Variants in EPHB1 observed in about 807,000 individuals in gnomAD.
EPHB1 encodes the protein ephrin type-B receptor 1.
EPHB1 carries 30 observed loss-of-function variants against 94.4 expected under a neutral mutation model. That is an observed-to-expected ratio of 0.32 (90% confidence interval 0.24 to 0.43). EPHB1 has a LOEUF of 0.43. Among genes scored for constraint, EPHB1 ranks in the 20% least tolerant of loss-of-function variants. EPHB1 has a pLI of 1.00. For missense variants in EPHB1, 1,055 were observed against 1,308.3 expected (o/e 0.81, Z 2.99); for synonymous variants, 522 against 489.1 (o/e 1.07, Z -0.89).
chr3:135,121,963 A>G (rs1272831439), intron 4 of EPHB1, among the ~76,000 whole-genome samples: 1 of 152,188 alleles, frequency 6.6e-6, no homozygotes, highest in African/African-American at 2.4e-5. Context: ...ATGTTATGCC[A>G]TTTGATTCTC....
chr3:134,808,565 C>G (rs975660667), intron 1 of EPHB1, among the ~76,000 whole-genome samples: 1 of 151,934 alleles, frequency 6.6e-6, no homozygotes, highest in African/African-American at 2.4e-5. Context: ...ATTATGCAAC[C>G]GAGTAAGAGA....
intron 5 of EPHB1, among the ~76,000 whole-genome samples, chr3:135,136,719 C>T (rs148501643): frequency 7.7e-4 from 118 of 152,278 alleles, no homozygotes; most frequent in African/African-American, 2.8e-3. Flanking sequence ...CTGTGTAAGT[C>T]GTAAGCTCTC....
At chr3:134,972,531 A>AAATATATATTATTATATAT (rs1934017572) in intron 3 of EPHB1, among the ~76,000 whole-genome samples, 1 of 144,002 alleles carries the variant, frequency 6.9e-6, no homozygotes, top group Non-Finnish European at 1.5e-5. Flanking sequence ...TATTTATTAT[A>AAATATATATTATTATATAT]AATATATATT....
intron 3 of EPHB1, among the ~76,000 whole-genome samples, chr3:134,954,492 A>G (rs1933165975): frequency 6.6e-6 from 1 of 152,204 alleles, no homozygotes; most frequent in African/African-American, 2.4e-5. Context: ...TGAGGGCAGA[A>G]GCAGGGAGAA....
At chr3:135,076,234 G>GATATATATATGTAT (rs1553729692) in intron 3 of EPHB1, among the ~76,000 whole-genome samples, 1 of 131,172 alleles carries the variant, frequency 7.6e-6, no homozygotes, top group Middle Eastern at 3.4e-3. Flanking sequence ...TCTGAAAAGG[G>GATATATATATGTAT]ATATATATAT....
At chr3:135,044,184 G>A (rs1936930487) in intron 3 of EPHB1, among the ~76,000 whole-genome samples, 1 of 152,196 alleles carries the variant, frequency 6.6e-6, no homozygotes, top group Non-Finnish European at 1.5e-5. Flanking sequence ...TTCTGTATAT[G>A]TCACAAGCAT....
intron 1 of EPHB1, among the ~76,000 whole-genome samples, chr3:134,924,941 A>T (rs2038760551): frequency 6.6e-6 from 1 of 152,264 alleles, no homozygotes; most frequent in Non-Finnish European, 1.5e-5. Context: ...AAAGGATTAC[A>T]AAGGGACTAA....
At chr3:135,249,246 C>T in intron 14 of EPHB1, 90 bp from the exon 15 acceptor site, 4 of 1,395,678 alleles carry the variant, frequency 2.9e-6, no homozygotes, top group Non-Finnish European at 3.9e-6. Context: ...AGGGATGCTG[C>T]CTTCCATGAA....
chr3:135,098,214 A>C (rs926707529), intron 3 of EPHB1, among the ~76,000 whole-genome samples: 1 of 152,186 alleles, frequency 6.6e-6, no homozygotes. Flanking sequence ...AATGTACTGG[A>C]TGAGAATTTC....
chr3:134,869,474 T>A (rs1182461598), intron 1 of EPHB1, among the ~76,000 whole-genome samples: 1 of 152,182 alleles, frequency 6.6e-6, no homozygotes, highest in Admixed American at 6.5e-5. Context: ...GAAGAGCCCT[T>A]GGATGGACCG....
At chr3:135,094,231 C>G (rs1938665641) in intron 3 of EPHB1, among the ~76,000 whole-genome samples, 1 of 152,200 alleles carries the variant, frequency 6.6e-6, no homozygotes, top group African/African-American at 2.4e-5. Context: ...TGAACCTGCT[C>G]TGTCCCACTC....
intron 1 of EPHB1, among the ~76,000 whole-genome samples, chr3:134,896,563 T>TG (rs777116732): frequency 1.9e-4 from 29 of 152,338 alleles, no homozygotes; most frequent in Middle Eastern, 3.4e-3. Flanking sequence ...CTTTGTGGAG[T>TG]GACCTGATGA....
intron 12 of EPHB1, among the ~76,000 whole-genome samples, chr3:135,212,547 G>A (rs531018540): frequency 8.5e-5 from 13 of 152,246 alleles, no homozygotes; most frequent in Non-Finnish European, 1.5e-4. Flanking sequence ...TTATACATGC[G>A]TGTTTCGGGG....
At chr3:135,175,101 C>G (rs1015345598) in intron 9 of EPHB1, among the ~76,000 whole-genome samples, 3 of 152,140 alleles carry the variant, frequency 2.0e-5, no homozygotes, top group African/African-American at 7.2e-5. Context: ...CTTTCAATCC[C>G]CAAATATCAC....
intron 1 of EPHB1, among the ~76,000 whole-genome samples, chr3:134,833,228 C>T (rs969874955): frequency 5.3e-5 from 8 of 152,212 alleles, no homozygotes; most frequent in Non-Finnish European, 1.2e-4. Context: ...TCCACCTAGA[C>T]TCCTTAGCTT....
At position 135,032,033 on chromosome 3, in the gene EPHB1, C is replaced by G. The variant is rs115059662; in HGVS notation, c.806-74415C>G. Among the ~76,000 whole-genome samples, 282 of 152,120 alleles carry G rather than the reference C, an allele frequency of 1.9e-3. 2 individuals carry two copies. Among genetic ancestry groups the G allele is most frequent in the African/African-American group, 5.8e-3 (241 of 41,520 alleles). On this transcript the variant is annotated intron_variant, in intron 3 of 15. Transcript: ENST00000398015. ...TCGTTGGAAGCATTCAAGTTCTTCT[C>G]TTTTATCCCTGAAATTCTGAAATTT... is the stretch of plus-strand genomic sequence containing the variant.
intron 3 of EPHB1, among the ~76,000 whole-genome samples, chr3:134,986,170 C>T (rs9855772): frequency 0.63 from 95,258 of 152,070 alleles, 31,553 homozygotes; most frequent in African/African-American, 0.82. Flanking sequence ...CCACAAGCAC[C>T]GGGAGTGACT....
chr3:134,811,242 G>GGTTTTTTTTTTTTTTTTT (rs2036168294), intron 1 of EPHB1, among the ~76,000 whole-genome samples: 12 of 73,854 alleles, frequency 1.6e-4, no homozygotes, highest in African/African-American at 5.0e-4. Flanking sequence ...TACTAAGAAG[G>GGTTTTTTTTTTTTTTTTT]TTTTTTTTTT....
chr3:135,142,744 C>A (rs1452951474), intron 5 of EPHB1, among the ~76,000 whole-genome samples: 1 of 151,912 alleles, frequency 6.6e-6, no homozygotes, highest in Non-Finnish European at 1.5e-5. Context: ...GCCAGGGAAC[C>A]GAGATTATAT....
Sources: allele counts gnomAD v4.1 joint callset (sites outside exome capture counted in the v4.1 genomes callset), GRCh38; gene constraint gnomAD v4.1.1; transcripts MANE v1.5; gene names NCBI Gene and HGNC (gene_info 2026-07-23, HGNC 2026-07-21).